Variants in USP47 observed in about 807,000 individuals in gnomAD.
USP47 encodes ubiquitin specific peptidase 47, also known as ubiquitin carboxyl-terminal hydrolase 47.
A neutral mutation model predicts 165.1 loss-of-function variants in USP47; 35 were observed. That is an observed-to-expected ratio of 0.21 (90% confidence interval 0.16 to 0.28). The LOEUF is 0.28. USP47 is among the 10% of genes least tolerant of loss of function. The probability of loss-of-function intolerance (pLI) is 1.00; values close to 1 mark genes in which losing one functional copy is unlikely to be tolerated. For synonymous variants in USP47, 531 were observed against 544.5 expected (o/e 0.98, Z 0.35); for missense variants, 1,277 against 1,607.4 (o/e 0.79, Z 3.52).
In USP47 at chr11:11,933,950, A is replaced by G. The variant is rs368014142; in HGVS notation, c.1869+15A>G. 1.3e-5 allele frequency: 20 copies of G among 1,550,334 alleles called. No individual in the cohort carries two copies. The highest frequency in any genetic ancestry group is 1.1e-4 in the South Asian group (10 of 89,170). ...TGGCTTATAAGGTATGTTTAATTGC[A>G]TCATTGGCATTTACTTACTAATACA... is the stretch of plus-strand genomic sequence containing the variant. On this transcript the variant is annotated intron_variant, in intron 16 of 27. Coordinates refer to ENST00000527733, the MANE Select transcript of USP47 (RefSeq NM_001282659.2).
At chr11:11,890,954 G>A (rs1851475109) in intron 3 of USP47, among the ~76,000 whole-genome samples, 1 of 152,098 alleles carries the variant, frequency 6.6e-6, no homozygotes, top group Admixed American at 6.6e-5. Flanking sequence ...AGTGGGAGCT[G>A]AATGATGAGA....
rs1206877669 is a variant in USP47 at position 11,960,075 on chromosome 11, C to T, written c.*3900C>T. ...GTTACCCACTGGGCAGTGGGCTTATCAAGTGCTCAGTGCAATCCTGTGACT... is the reference window on the plus strand; with the variant it reads ...GTTACCCACTGGGCAGTGGGCTTATTAAGTGCTCAGTGCAATCCTGTGACT... On this transcript the variant is annotated 3_prime_UTR_variant, in exon 28 of 28. Transcript: ENST00000527733. Among the ~76,000 whole-genome samples, 1 of 152,130 alleles carries T rather than the reference C, an allele frequency of 6.6e-6. No homozygotes were observed. Among genetic ancestry groups the T allele is most frequent in the Non-Finnish European group, 1.5e-5 (1 of 68,030 alleles).
intron 1 of USP47, among the ~76,000 whole-genome samples, chr11:11,846,154 A>G (rs919694198): frequency 6.6e-6 from 1 of 152,094 alleles, no homozygotes; most frequent in African/African-American, 2.4e-5. Flanking sequence ...ATTCTGCCGT[A>G]TGTCTTTGAA....
At chr11:11,897,516 C>T (rs900826200) in intron 4 of USP47, 81 bp from the exon 5 acceptor site, 15 of 1,048,038 alleles carry the variant, frequency 1.4e-5, no homozygotes, top group Non-Finnish European at 1.9e-5. Context: ...TGAATCTTTA[C>T]TGTGAATTAA....
At chr11:11,920,635 G>A in intron 10 of USP47, 141 bp downstream of exon 10, 2 of 692,112 alleles carry the variant, frequency 2.9e-6, no homozygotes, top group Non-Finnish European at 4.3e-6. Context: ...ATTTTCTAAT[G>A]TGGAATTCAA....
At chr11:11,918,840 A>G (rs1853615671) in intron 8 of USP47, among the ~76,000 whole-genome samples, 1 of 151,854 alleles carries the variant, frequency 6.6e-6, no homozygotes, top group Non-Finnish European at 1.5e-5. Context: ...TTAAATTACC[A>G]CTATTTGGAA....
intron 1 of USP47, among the ~76,000 whole-genome samples, chr11:11,858,234 C>G (rs576790773): frequency 1.3e-5 from 2 of 152,134 alleles, no homozygotes; most frequent in Non-Finnish European, 2.9e-5. Context: ...CCTGGACATG[C>G]TCCACCGGTA....
intron 1 of USP47, among the ~76,000 whole-genome samples, chr11:11,848,794 A>T (rs541351645): frequency 6.6e-6 from 1 of 152,002 alleles, no homozygotes; most frequent in Admixed American, 6.5e-5. Context: ...TATTTTTAGT[A>T]GAGATGGGGT....
intron 1 of USP47, among the ~76,000 whole-genome samples, chr11:11,877,158 A>G (rs1269681838): frequency 2.6e-5 from 4 of 152,210 alleles, no homozygotes; most frequent in African/African-American, 4.8e-5. Context: ...AAGAAAAAAA[A>G]AAACTATTGC....
chr11:11,843,372 G>A (rs923268138), intron 1 of USP47, among the ~76,000 whole-genome samples: 3 of 152,200 alleles, frequency 2.0e-5, no homozygotes, highest in African/African-American at 7.2e-5. Flanking sequence ...AAGGCAGAGA[G>A]TTATGTGTCA....
At chr11:11,940,844 A>C in intron 19 of USP47, among the ~76,000 whole-genome samples, 1 of 147,674 alleles carries the variant, frequency 6.8e-6, no homozygotes. Flanking sequence ...GATTAGTCCT[A>C]CCTCTTTGGT....
chr11:11,880,337 C>A lies in USP47; in HGVS notation c.200C>A (p.Thr67Asn), dbSNP rs1590288729. ...VANKVGYING[T>N]FDLVWGNGIN... ...AACAAAGTAGGCTACATAAATGGAA[C>A]CTTTGACTTGGTGTGGGGAAATGGA... is the stretch of plus-strand genomic sequence containing the variant. The change falls in exon 2 of 28, where the codon ACC becomes AAC. Residue 67 changes from threonine to asparagine, a missense_variant. By Grantham distance (65) the Thr-to-Asn change is moderately conservative (BLOSUM62 0). Transcript: ENST00000527733. 7.3e-7 allele frequency: 1 copy of A among 1,364,372 alleles called. No homozygotes were observed. The allele number at this position is 1,364,372 out of a possible 1,614,324, so 84.5% of individuals were successfully genotyped here. A position where few individuals can be genotyped will look rare whatever the true frequency, so the allele number is the denominator to read the frequency against.
chr11:11,929,811 G>A lies in USP47; in HGVS notation c.1519-233G>A, dbSNP rs562282017. ...AGATAGACTACCAATTTTCCTCTGGGCCTGAACCTTCATAGGTGCTACTTG... is the reference window on the plus strand; with the variant it reads ...AGATAGACTACCAATTTTCCTCTGGACCTGAACCTTCATAGGTGCTACTTG... On this transcript the variant is annotated intron_variant, in intron 12 of 27. Transcript: ENST00000527733. Among the ~76,000 whole-genome samples the A allele has an allele frequency of 6.6e-5, 10 of 152,114 alleles. No individual in the cohort carries two copies. The South Asian group carries it at 8.3e-4, about 13-fold the overall frequency.
intron 3 of USP47, among the ~76,000 whole-genome samples, chr11:11,887,496 A>C (rs1851238604): frequency 6.6e-6 from 1 of 152,206 alleles, no homozygotes; most frequent in Admixed American, 6.5e-5. Flanking sequence ...ACATAATAGT[A>C]AAGGGTTCAA....
intron 7 of USP47, 56 bp from the exon 8 acceptor site, chr11:11,905,343 A>C: frequency 7.4e-7 from 1 of 1,343,756 alleles, no homozygotes; most frequent in Admixed American, 2.1e-5. Flanking sequence ...AGAATGTTAC[A>C]TGTTTTAAAG....
At chr11:11,850,440 G>T in intron 1 of USP47, among the ~76,000 whole-genome samples, 2 of 145,730 alleles carry the variant, frequency 1.4e-5, no homozygotes, top group Non-Finnish European at 1.5e-5. Context: ...TTGTTTTATG[G>T]ATGCAGTGTC....
Position 11,905,449 on chromosome 11 carries a change from A to T in USP47, c.870A>T (p.Arg290Ser), listed in dbSNP as rs1183559151. ...AAGGCAAGCTGAAGGACTACGTGAG[A>T]TGTCTGGAATGTGGTTATGAGGGCT... The part of the protein sequence containing the change: ...LYQGKLKDYV[R>S]CLECGYEGWR... Residue 290 changes from arginine to serine, a missense_variant, in exon 8 of 28, where the codon AGA (arginine) becomes AGT (serine). Physicochemically the swap from Arg to Ser is moderately radical, Grantham distance 110. Coordinates refer to ENST00000527733, the MANE Select transcript of USP47 (RefSeq NM_001282659.2). 12 of 1,608,366 alleles carry T rather than the reference A, an allele frequency of 7.5e-6. No homozygotes were observed. Among genetic ancestry groups the T allele is most frequent in the Non-Finnish European group, 1.0e-5 (12 of 1,176,122 alleles).
intron 7 of USP47, among the ~76,000 whole-genome samples, chr11:11,904,563 G>A (rs950152577): frequency 5.3e-5 from 8 of 152,140 alleles, no homozygotes; most frequent in Non-Finnish European, 1.2e-4. Flanking sequence ...TAGATCTGAA[G>A]TTACTCTTTT....
At chr11:11,949,424 T>C (rs10741563) in intron 22 of USP47, among the ~76,000 whole-genome samples, 107,664 of 151,880 alleles carry the variant, frequency 0.71, 38,675 homozygotes, top group Middle Eastern at 0.89. Flanking sequence ...TTATCTGGCA[T>C]CTGTTATTTC....
Sources: gnomAD v4.1 joint callset for allele counts (sites outside exome capture counted in the v4.1 genomes callset) on GRCh38, gnomAD v4.1.1 for gene constraint, MANE v1.5 for transcripts, NCBI Gene and HGNC (gene_info 2026-07-23, HGNC 2026-07-21) for gene names.